The following ITPK1 variants were observed in gnomAD, a reference collection of about 807,000 sequenced individuals.
ITPK1 encodes the protein inositol 1,3,4-trisphosphate 5/6-kinase.
ITPK1 carries 21 observed loss-of-function variants against 45.3 expected under a neutral mutation model. That is an observed-to-expected ratio of 0.46 (90% CI 0.33 to 0.67). The LOEUF is 0.67. Among genes scored for constraint, ITPK1 ranks in the 30% least tolerant of loss-of-function variants. ITPK1 has a pLI of 0.02. For synonymous variants in ITPK1, 258 were observed against 253.6 expected (o/e 1.02, Z -0.16); for missense variants, 474 against 573.5 (o/e 0.83, Z 1.77).
chr14:93,092,843 C>T (rs1891916648), intron 2 of ITPK1, among the ~76,000 whole-genome samples: 1 of 152,198 alleles, frequency 6.6e-6, no homozygotes, highest in Non-Finnish European at 1.5e-5. Context: ...GAGACTCCAG[C>T]ACGGCAGGGC....
intron 3 of ITPK1, among the ~76,000 whole-genome samples, chr14:93,029,404 C>T (rs1595151447): frequency 1.3e-5 from 2 of 152,078 alleles, no homozygotes; most frequent in Non-Finnish European, 1.5e-5. Flanking sequence ...AAGAATTCCA[C>T]GATGTCCCAA....
At chr14:92,943,272 C>T (rs188380821) in intron 10 of ITPK1, among the ~76,000 whole-genome samples, 39 of 152,328 alleles carry the variant, frequency 2.6e-4, no homozygotes, top group East Asian at 2.1e-3. Flanking sequence ...TCACAGCACT[C>T]GGGAAGTAGC....
chr14:92,962,623 C>T (rs1885135040), intron 6 of ITPK1, 128 bp downstream of exon 6: 8 of 811,096 alleles, frequency 9.9e-6, no homozygotes, highest in South Asian at 9.7e-5. Flanking sequence ...GAGGTGGGAC[C>T]CAGGGCCATG....
chr14:92,946,581 G>C, intron 9 of ITPK1, 88 bp from the exon 10 acceptor site: 1 of 1,320,176 alleles, frequency 7.6e-7, no homozygotes, highest in Non-Finnish European at 1.1e-6. Flanking sequence ...CAGCTGCCAC[G>C]AGGCCCTGGC....
Position 93,089,229 on chromosome 14 carries a change from C to T in ITPK1, c.96-12610G>A, listed in dbSNP as rs181758992. 2.6e-5 allele frequency among the ~76,000 whole-genome samples: 4 copies of T among 152,300 alleles called. No individual in the cohort carries two copies. The East Asian group carries it at 5.8e-4, about 22-fold the overall frequency. ...CTGAGCAGGCCTGCAGTGAAGGGCC[C>T]GGAAGGCACTTCCTAAGGTCCAGCC... On this transcript the variant is annotated intron_variant, in intron 2 of 10. Transcript: ENST00000267615.
intron 2 of ITPK1, among the ~76,000 whole-genome samples, chr14:93,079,118 C>T (rs1460233861): frequency 2.0e-5 from 3 of 152,180 alleles, no homozygotes; most frequent in Non-Finnish European, 4.4e-5. Flanking sequence ...AGGCAGCTCT[C>T]CCTCCCTTAG....
intron 4 of ITPK1, among the ~76,000 whole-genome samples, chr14:93,001,122 G>A (rs1182007182): frequency 6.1e-5 from 9 of 147,522 alleles, no homozygotes; most frequent in Non-Finnish European, 1.2e-4. Context: ...GTGAAACCCC[G>A]TCTCTATTAA....
rs769291416 is a variant in ITPK1, at chr14:92,993,868, A to G, written c.364+12T>C. 3 of 1,547,606 alleles carry G rather than the reference A, an allele frequency of 1.9e-6. No individual in the cohort carries two copies. The highest frequency in any genetic ancestry group is 2.2e-5 in the South Asian group (2 of 89,750). On this transcript the variant is annotated intron_variant, in intron 5 of 10. Transcript: ENST00000267615. ...CTGCCTGCCACGGATGTGGTGCCAC[A>G]CGTGTCCCTACCTTCCATGTAGGCC...
chr14:92,993,853 C>G, intron 5 of ITPK1, 27 bp downstream of exon 5: 1 of 1,457,252 alleles, frequency 6.9e-7, no homozygotes, highest in Non-Finnish European at 9.6e-7. Flanking sequence ...CTGCCTGCCA[C>G]GGATGTGGTG....
At chr14:93,052,848 C>A (rs979588437) in intron 3 of ITPK1, among the ~76,000 whole-genome samples, 1 of 151,988 alleles carries the variant, frequency 6.6e-6, no homozygotes, top group Non-Finnish European at 1.5e-5. Context: ...ACTTGGAAAG[C>A]GCTCTGGTGG....
Position 92,938,707 on chromosome 14 carries a change from A to C in ITPK1, c.*2854T>G. On this transcript the variant is annotated 3_prime_UTR_variant, in exon 11 of 11. Transcript: ENST00000267615. Reference sequence around the variant, plus strand: ...CCACCCACCACGTGTGGACCCAGACACCTCCATGACACCAAGGGCAAAGCA... The same window carrying C: ...CCACCCACCACGTGTGGACCCAGACCCCTCCATGACACCAAGGGCAAAGCA... 1 of 612,444 alleles carries C rather than the reference A, an allele frequency of 1.6e-6. No individual in the cohort carries two copies. The highest frequency in any genetic ancestry group is 2.9e-6 in the Non-Finnish European group (1 of 342,152). The allele number at this position is 612,444 out of a possible 1,614,324, so 37.9% of individuals were successfully genotyped here.
At chr14:92,969,390 G>C (rs1478897761) in intron 5 of ITPK1, among the ~76,000 whole-genome samples, 2 of 152,038 alleles carry the variant, frequency 1.3e-5, no homozygotes, top group Admixed American at 1.3e-4. Context: ...CAAAGACTGG[G>C]GGGGTGGGGA....
chr14:92,970,099 G>A (rs1885572989), intron 5 of ITPK1, among the ~76,000 whole-genome samples: 1 of 152,156 alleles, frequency 6.6e-6, no homozygotes, highest in Admixed American at 6.5e-5. Flanking sequence ...CATCCGACCG[G>A]TAGCAGCTAC....
At position 93,034,603 on chromosome 14, in the gene ITPK1, G is replaced by A. The variant is rs1889235911; in HGVS notation, c.121-17802C>T. 6.6e-6 allele frequency among the ~76,000 whole-genome samples: 1 copy of A among 152,160 alleles called. No homozygotes were observed. The highest frequency in any genetic ancestry group is 2.1e-4 in the South Asian group (1 of 4,838). On this transcript the variant is annotated intron_variant, in intron 3 of 10. Transcript: ENST00000267615. The surrounding 1 kb of genome is among the most constrained non-coding windows in gnomAD (Gnocchi z 4.1). ...GCCTGAGCTGCCTGGGGGCCCCTGG[G>A]ACCTCCCACATCCTGCATGAAGGTG...
Position 93,076,546 on chromosome 14 carries a change from C to G in ITPK1, c.120+49G>C. The G allele has an allele frequency of 6.2e-7, 1 of 1,609,222 alleles. No homozygotes were observed. Among genetic ancestry groups the G allele is most frequent in the Non-Finnish European group, 8.5e-7 (1 of 1,175,672 alleles). On this transcript the variant is annotated intron_variant, in intron 3 of 10. Coordinates refer to ENST00000267615, the MANE Select transcript of ITPK1 (RefSeq NM_014216.6). This position sits in a 1 kb window ranked among gnomAD's most constrained non-coding sequence, Gnocchi z 4.3. ...AGAAGGAGAGACAGAGAGGTGGGCA[C>G]CAAGGGCCCCACTACCCAAAGAACC...
intron 5 of ITPK1, among the ~76,000 whole-genome samples, chr14:92,989,239 A>G (rs1261509849): frequency 1.3e-5 from 2 of 152,208 alleles, no homozygotes; most frequent in African/African-American, 4.8e-5. Context: ...CACAGGCAGA[A>G]GCATTCAATC....
rs1482176130 is a variant in ITPK1 at position 93,016,018 on chromosome 14, C to T, written c.246+658G>A. On this transcript the variant is annotated intron_variant, in intron 4 of 10. Coordinates refer to ENST00000267615, the MANE Select transcript of ITPK1 (RefSeq NM_014216.6). The surrounding 1 kb of genome is among the most constrained non-coding windows in gnomAD (Gnocchi z 5.0). ...AATACAACTTTGTTTTTCATGACCT[C>T]TGAGCCGCTTTCTAGAGGACAGAAT... Among the ~76,000 whole-genome samples, 2 of 152,236 alleles carry T rather than the reference C, an allele frequency of 1.3e-5. No individual in the cohort carries two copies. Among genetic ancestry groups the T allele is most frequent in the African/African-American group, 4.8e-5 (2 of 41,442 alleles).
Position 93,076,333 on chromosome 14 carries a change from T to C in ITPK1, c.120+262A>G, listed in dbSNP as rs1891216694. On this transcript the variant is annotated intron_variant, in intron 3 of 10. Transcript: ENST00000267615. The surrounding 1 kb of genome is among the most constrained non-coding windows in gnomAD (Gnocchi z 4.3). ...ACCCACCCTAACCTGACCACTGCCA[T>C]GCACACCCCCCTCAGGACTCCCAAA... 6.6e-6 allele frequency among the ~76,000 whole-genome samples: 1 copy of C among 151,732 alleles called. No individual in the cohort carries two copies. The highest frequency in any genetic ancestry group is 1.5e-5 in the Non-Finnish European group (1 of 67,954).
intron 3 of ITPK1, chr14:93,066,110 T>C (rs1890732774): frequency 3.2e-6 from 1 of 313,630 alleles, no homozygotes; most frequent in Admixed American, 4.6e-5. Flanking sequence ...TCTAGAGTTA[T>C]TTTTAGCAAG....
Sources: gnomAD v4.1 joint callset for allele counts (sites outside exome capture counted in the v4.1 genomes callset) on GRCh38, gnomAD v4.1.1 for gene constraint, Gnocchi (gnomAD v3.1) non-coding constraint, MANE v1.5 for transcripts, NCBI Gene and HGNC (gene_info 2026-07-23, HGNC 2026-07-21) for gene names.